Variants in ABLIM3 observed in about 807,000 individuals in gnomAD.
ABLIM3 encodes actin-binding LIM protein 3.
In ABLIM3, 61 loss-of-function variants were observed where a neutral mutation model predicts 109.5. That is an observed-to-expected ratio of 0.56 (90% CI 0.45 to 0.69). The LOEUF (loss-of-function observed/expected upper bound fraction) is 0.69. ABLIM3 is among the 30% of genes least tolerant of loss of function. The probability of loss-of-function intolerance (pLI) is 0.00; values close to 1 mark genes in which losing one functional copy is unlikely to be tolerated. For missense variants in ABLIM3, 796 were observed against 889.5 expected, an observed-to-expected ratio of 0.89 and a Z score of 1.34; for synonymous variants, 300 against 324.8, an observed-to-expected ratio of 0.92 and a Z score of 0.82.
intron 3 of ABLIM3, among the ~76,000 whole-genome samples, chr5:149,190,445 C>T (rs865948717): frequency 2.6e-5 from 4 of 152,060 alleles, no homozygotes; most frequent in African/African-American, 7.2e-5. Context: ...TTTGGGAGGC[C>T]GAGGCGGGTG....
intron 3 of ABLIM3, among the ~76,000 whole-genome samples, chr5:149,189,890 T>C (rs1239154717): frequency 6.6e-6 from 1 of 152,144 alleles, no homozygotes; most frequent in Non-Finnish European, 1.5e-5. Flanking sequence ...TAAAAATATA[T>C]GTTCACACAG....
intron 2 of ABLIM3, among the ~76,000 whole-genome samples, chr5:149,149,409 T>A (rs936983546): frequency 6.6e-6 from 1 of 152,254 alleles, no homozygotes; most frequent in African/African-American, 2.4e-5. Context: ...AAAGATGGTG[T>A]CATTAAAACT....
At chr5:149,161,258 A>G (rs1754339752) in intron 2 of ABLIM3, among the ~76,000 whole-genome samples, 2 of 152,178 alleles carry the variant, frequency 1.3e-5, no homozygotes, top group Non-Finnish European at 2.9e-5. Context: ...GCTATGGGAA[A>G]TGCTCCTTAG....
At chr5:149,248,598 G>A (rs1753620276) in intron 18 of ABLIM3, among the ~76,000 whole-genome samples, 1 of 149,956 alleles carries the variant, frequency 6.7e-6, no homozygotes, top group African/African-American at 2.5e-5. Flanking sequence ...GGCTGAGGCA[G>A]GAGAATGGCG....
intron 20 of ABLIM3, among the ~76,000 whole-genome samples, 169 bp downstream of exon 20, chr5:149,250,674 G>A (rs1432150244): frequency 1.3e-5 from 2 of 152,142 alleles, no homozygotes; most frequent in African/African-American, 2.4e-5. Flanking sequence ...TGACCCCTTC[G>A]TGAAAAGGGG....
chr5:149,196,162 A>G (rs976073297), intron 3 of ABLIM3, among the ~76,000 whole-genome samples: 7 of 152,072 alleles, frequency 4.6e-5, no homozygotes, highest in Non-Finnish European at 1.0e-4. Flanking sequence ...CCCCTCATGC[A>G]GTGACTTCTG....
chr5:149,159,820 C>T (rs1040052172), intron 2 of ABLIM3, among the ~76,000 whole-genome samples: 1 of 152,208 alleles, frequency 6.6e-6, no homozygotes, highest in Non-Finnish European at 1.5e-5. Flanking sequence ...CTCCCTGGCC[C>T]TGATGTTCTA....
chr5:149,242,364 C>T (rs1044465891), intron 14 of ABLIM3, 127 bp from the exon 15 acceptor site: 1 of 871,174 alleles, frequency 1.1e-6, no homozygotes, highest in Non-Finnish European at 1.9e-6. Context: ...GATGGTGGCC[C>T]CTTGGAAAAA....
At chr5:149,251,269 C>T (rs955378106) in intron 20 of ABLIM3, 90 bp from the exon 21 acceptor site, 11 of 1,451,112 alleles carry the variant, frequency 7.6e-6, no homozygotes, top group African/African-American at 4.2e-5. Flanking sequence ...GTCCCACAAG[C>T]GCCAGTCCAT....
At chr5:149,142,234 T>C in intron 2 of ABLIM3, 126 bp downstream of exon 2, 1 of 1,360,070 alleles carries the variant, frequency 7.4e-7, no homozygotes, top group South Asian at 1.2e-5. Context: ...ACCCCCAGGC[T>C]CTTTTTTGGT....
chr5:149,236,294 G>C (rs1340020465), intron 10 of ABLIM3, among the ~76,000 whole-genome samples: 9 of 152,148 alleles, frequency 5.9e-5, no homozygotes, highest in Admixed American at 3.9e-4. Flanking sequence ...AAATAGCACA[G>C]CTTATAGGTA....
intron 23 of ABLIM3, among the ~76,000 whole-genome samples, chr5:149,253,927 G>A (rs1414431458): frequency 6.6e-6 from 1 of 152,190 alleles, no homozygotes; most frequent in Non-Finnish European, 1.5e-5. Context: ...AGTTCCACAT[G>A]GCTGGGGAGT....
At position 149,259,553 on chromosome 5, in the gene ABLIM3, T is replaced by G; in HGVS notation, c.*1149T>G. 6.5e-7 allele frequency: 1 copy of G among 1,536,314 alleles called. No homozygotes were observed. The highest frequency in any genetic ancestry group is 8.7e-7 in the Non-Finnish European group (1 of 1,146,960). ...GTTGGCCATGTTTCACAGGGAAACTTTTGGAAGAGTGGCTGCTTATGAGAT... is the reference window on the plus strand; with the variant it reads ...GTTGGCCATGTTTCACAGGGAAACTGTTGGAAGAGTGGCTGCTTATGAGAT... On this transcript the variant is annotated 3_prime_UTR_variant, in exon 24 of 24. Transcript: ENST00000309868.
intron 8 of ABLIM3, among the ~76,000 whole-genome samples, chr5:149,226,770 T>C (rs748653931): frequency 6.6e-6 from 1 of 152,042 alleles, no homozygotes; most frequent in Non-Finnish European, 1.5e-5. Flanking sequence ...AGCTTTGGCA[T>C]TAAAAAACAA....
At chr5:149,220,407 C>T (rs1760523820) in intron 8 of ABLIM3, 1 of 152,198 alleles carries the variant, frequency 6.6e-6, no homozygotes, top group South Asian at 2.1e-4. Context: ...AGCCTGTCAC[C>T]TTCTCATTAA....
At chr5:149,205,562 A>G (rs901111158) in intron 5 of ABLIM3, among the ~76,000 whole-genome samples, 1 of 152,094 alleles carries the variant, frequency 6.6e-6, no homozygotes, top group African/African-American at 2.4e-5. Flanking sequence ...CTATCTGTAA[A>G]AGAGAAGGGG....
At chr5:149,171,161 G>A (rs1250742969) in intron 2 of ABLIM3, among the ~76,000 whole-genome samples, 2 of 152,142 alleles carry the variant, frequency 1.3e-5, no homozygotes, top group Non-Finnish European at 2.9e-5. Flanking sequence ...AGTGCCTATA[G>A]TACTGGACTT....
chr5:149,156,185 G>T (rs1366869626), intron 2 of ABLIM3, among the ~76,000 whole-genome samples: 1 of 152,192 alleles, frequency 6.6e-6, no homozygotes, highest in Non-Finnish European at 1.5e-5. Flanking sequence ...TTGAAAACTA[G>T]GTTATTGACC....
In ABLIM3 at chr5:149,178,275, T is replaced by G. The variant is rs573531796; in HGVS notation, c.14-5177T>G. 5.1e-4 allele frequency among the ~76,000 whole-genome samples: 77 copies of G among 152,282 alleles called. 1 individual carries two copies. Among genetic ancestry groups the G allele is most frequent in the African/African-American group, 1.8e-3 (76 of 41,552 alleles). On this transcript the variant is annotated intron_variant, in intron 2 of 23. Coordinates refer to ENST00000309868, the MANE Select transcript of ABLIM3 (RefSeq NM_014945.5). ...TTCTTTGGTATTTAGCAGATGCCTG[T>G]GAACACTCTGAGTTTTGGGCTCTAA...
Sources: gnomAD v4.1 joint callset for allele counts (sites outside exome capture counted in the v4.1 genomes callset) on GRCh38, gnomAD v4.1.1 for gene constraint, MANE v1.5 for transcripts, NCBI Gene and HGNC (gene_info 2026-07-23, HGNC 2026-07-21) for gene names.